Variants in NINL observed in about 807,000 individuals in gnomAD.
NINL encodes ninein-like protein.
A neutral mutation model predicts 160.3 loss-of-function variants in NINL; 153 were observed. The ratio of observed to expected loss-of-function variants is 0.95; its 90% CI spans 0.84 to 1.09. The LOEUF (loss-of-function observed/expected upper bound fraction) is 1.09. NINL is among the 50% of genes least tolerant of loss of function. NINL has a pLI of 0.00. For synonymous variants in NINL, 800 were observed against 734.8 expected (o/e 1.09, Z -1.43); for missense variants, 1,829 against 1,764.0 (o/e 1.04, Z -0.66).
chr20:25,583,042 T>C (rs1295151737), intron 1 of NINL, among the ~76,000 whole-genome samples: 2 of 152,114 alleles, frequency 1.3e-5, no homozygotes, highest in African/African-American at 4.8e-5. Context: ...AAAGAAAACC[T>C]AGGCAATACT....
chr20:25,576,419 C>T (rs2065116657), intron 1 of NINL, among the ~76,000 whole-genome samples: 1 of 152,074 alleles, frequency 6.6e-6, no homozygotes, highest in African/African-American at 2.4e-5. Flanking sequence ...AGGGTAGTCA[C>T]CTTTATGTGA....
intron 17 of NINL, among the ~76,000 whole-genome samples, chr20:25,474,984 C>T (rs113397421): frequency 0.24 from 37,052 of 151,688 alleles, 4,890 homozygotes; most frequent in East Asian, 0.57. Context: ...GGTTTCACCA[C>T]GCTGGCCAGG....
At position 25,577,197 on chromosome 20, in the gene NINL, G is replaced by A. The variant is rs73337380; in HGVS notation, c.-12+8258C>T. ...GCCTGAAGCAGGGAGCTAACTGGCC[G>A]GGCTGCAGCCCGCCCTCTGGAGTCC... On this transcript the variant is annotated intron_variant, in intron 1 of 23. Transcript: ENST00000278886. 6.6e-3 allele frequency among the ~76,000 whole-genome samples: 1,003 copies of A among 152,310 alleles called. 16 individuals are homozygous for A. The highest frequency in any genetic ancestry group is 0.023 in the African/African-American group (958 of 41,558).
chr20:25,517,679 C>A (rs1445318928), intron 3 of NINL, 74 bp downstream of exon 3: 1 of 1,161,192 alleles, frequency 8.6e-7, no homozygotes, highest in Non-Finnish European at 1.2e-6. Context: ...CTGCTGGATT[C>A]TTTCATTAGA....
chr20:25,496,357 C>T (rs951579534), intron 10 of NINL, among the ~76,000 whole-genome samples: 2 of 152,168 alleles, frequency 1.3e-5, no homozygotes, highest in African/African-American at 4.8e-5. Flanking sequence ...CACAGGCACG[C>T]AGCTAGGGGC....
chr20:25,554,207 G>A (rs1025279106), intron 1 of NINL, among the ~76,000 whole-genome samples: 2 of 152,160 alleles, frequency 1.3e-5, no homozygotes, highest in African/African-American at 2.4e-5. Flanking sequence ...CAGCGGGAGG[G>A]CTGCACTCTG....
intron 19 of NINL, among the ~76,000 whole-genome samples, chr20:25,463,857 C>T (rs950241427): frequency 3.9e-5 from 6 of 152,176 alleles, no homozygotes; most frequent in Non-Finnish European, 8.8e-5. Context: ...GCAAATTAAC[C>T]TCACCTCATC....
At chr20:25,484,017 T>C (rs1443320927) in intron 13 of NINL, among the ~76,000 whole-genome samples, 1 of 152,126 alleles carries the variant, frequency 6.6e-6, no homozygotes, top group Non-Finnish European at 1.5e-5. Context: ...CTGGGGCAGC[T>C]GCCGCCACCA....
intron 2 of NINL, among the ~76,000 whole-genome samples, chr20:25,522,417 G>T (rs2064279506): frequency 6.6e-6 from 1 of 152,074 alleles, no homozygotes; most frequent in South Asian, 2.1e-4. Context: ...GGAGCTACCA[G>T]GATTATTTAA....
chr20:25,532,288 G>A (rs1280562005), intron 1 of NINL, among the ~76,000 whole-genome samples: 6 of 152,180 alleles, frequency 3.9e-5, no homozygotes, highest in African/African-American at 4.8e-5. Context: ...TCACGTTTTC[G>A]AGGCTGGGCT....
intron 3 of NINL, among the ~76,000 whole-genome samples, chr20:25,515,685 T>C (rs1304864901): frequency 6.6e-6 from 1 of 152,208 alleles, no homozygotes; most frequent in Admixed American, 6.5e-5. Flanking sequence ...GATTGAATCA[T>C]GGAGGCAGAA....
chr20:25,491,621 C>T lies in NINL; in HGVS notation c.1311-96G>A, dbSNP rs1306145165. 5 of 1,453,550 alleles carry T rather than the reference C, an allele frequency of 3.4e-6. No individual in the cohort carries two copies. In the African/African-American group the frequency reaches 7.0e-5, roughly 20 times the overall value. The allele number at this position is 1,453,550 out of a possible 1,614,324, so 90.0% of individuals were successfully genotyped here. A position where few individuals can be genotyped will look rare whatever the true frequency, so the allele number is the denominator to read the frequency against. ...CTAGCCTCCTCCCTCTTAGAAACGC[C>T]CCTGTCCTCAGCACGTGCAGGGCCG... On this transcript the variant is annotated intron_variant, in intron 10 of 23. Transcript: ENST00000278886.
chr20:25,512,793 C>T (rs1289733685), intron 4 of NINL, 41 bp downstream of exon 4: 12 of 1,564,306 alleles, frequency 7.7e-6, no homozygotes, highest in Non-Finnish European at 1.0e-5. Flanking sequence ...TTTGTTATTC[C>T]CAACACTGGG....
intron 18 of NINL, among the ~76,000 whole-genome samples, chr20:25,469,470 AC>A (rs199734466): frequency 0.023 from 1,989 of 86,766 alleles, 46 homozygotes; most frequent in African/African-American, 0.08. Context: ...TGGTGCCCCC[AC>A]CCCCATCCTC....
chr20:25,544,349 A>G (rs2064707885), intron 1 of NINL, among the ~76,000 whole-genome samples: 1 of 152,150 alleles, frequency 6.6e-6, no homozygotes, highest in African/African-American at 2.4e-5. Context: ...GAAGGAAGGG[A>G]TCTTTCATTA....
intron 1 of NINL, 86 bp downstream of exon 1, chr20:25,585,369 G>C (rs1833458407): frequency 1.3e-5 from 2 of 152,204 alleles, no homozygotes; most frequent in African/African-American, 4.8e-5. Flanking sequence ...TGGTGACTAA[G>C]GCGCGGGTCG....
chr20:25,508,854 C>T (rs1312676345), intron 5 of NINL, among the ~76,000 whole-genome samples: 1 of 151,918 alleles, frequency 6.6e-6, no homozygotes, highest in Non-Finnish European at 1.5e-5. Flanking sequence ...AAGGATCCCG[C>T]AGTTTGCTCC....
At position 25,498,352 on chromosome 20, in the gene NINL, A is replaced by C; in HGVS notation, c.1033-6T>G. ...TCCACGCTGAAGTCCAGGCTCTGGA[A>C]GCAGCAAGCCTGGTAAGCAGGAGAG... On this transcript the variant is annotated splice_polypyrimidine_tract_variant and splice_region_variant and intron_variant, in intron 8 of 23. Coordinates refer to ENST00000278886, the MANE Select transcript of NINL (RefSeq NM_025176.6). The C allele has an allele frequency of 6.2e-7, 1 of 1,612,364 alleles. No homozygotes were observed. Among genetic ancestry groups the C allele is most frequent in the Non-Finnish European group, 8.5e-7 (1 of 1,179,964 alleles).
At chr20:25,506,470 G>A (rs138674237) in intron 5 of NINL, among the ~76,000 whole-genome samples, 16 of 152,302 alleles carry the variant, frequency 1.1e-4, no homozygotes, top group African/African-American at 2.6e-4. Flanking sequence ...GTGTTTAGAA[G>A]TACAGATGCT....
Sources: allele counts gnomAD v4.1 joint callset (sites outside exome capture counted in the v4.1 genomes callset), GRCh38; gene constraint gnomAD v4.1.1; transcripts MANE v1.5; gene names NCBI Gene and HGNC (gene_info 2026-07-23, HGNC 2026-07-21).